The following CYGB variants were observed in gnomAD, a reference collection of about 807,000 sequenced individuals.
CYGB encodes cytoglobin.
A neutral mutation model predicts 20.7 loss-of-function variants in CYGB; 13 were observed. The observed-to-expected ratio is 0.63, with a 90% CI of 0.41 to 1.00. The LOEUF (loss-of-function observed/expected upper bound fraction) is 1.00, where lower values mean the gene tolerates loss of function less well. Among genes scored for constraint, CYGB ranks in the 50% least tolerant of loss-of-function variants. CYGB has a pLI of 0.00. For synonymous variants in CYGB, 93 were observed against 107.4 expected (o/e 0.87, Z 0.83); for missense variants, 218 against 257.2 (o/e 0.85, Z 1.04).
upstream of CYGB, among the ~76,000 whole-genome samples, chr17:76,538,997 C>G (rs2074955862): frequency 6.6e-6 from 1 of 152,248 alleles, no homozygotes; most frequent in Admixed American, 6.5e-5. Context: ...CCAGCCTCAG[C>G]TGCAGCCTGG....
At chr17:76,547,575 C>T (rs2075063773) in intron 1 of CYGB, among the ~76,000 whole-genome samples, 1 of 152,174 alleles carries the variant, frequency 6.6e-6, no homozygotes, top group East Asian at 1.9e-4. Flanking sequence ...TAAAAATTTA[C>T]TAACAGACTC....
chr17:76,529,049 C>A (rs1476420669), intron 3 of CYGB: 13 of 437,900 alleles, frequency 3.0e-5, no homozygotes, highest in African/African-American at 4.5e-5. Flanking sequence ...ATTGCGCCCC[C>A]CCCCCACCCC....
chr17:76,534,915 AC>A (rs1318519730), intron 1 of CYGB, among the ~76,000 whole-genome samples: 2 of 152,046 alleles, frequency 1.3e-5, no homozygotes, highest in East Asian at 3.9e-4. Context: ...CGGTGTTTCC[AC>A]CTGAGACCCT....
At chr17:76,540,507 A>T, upstream of CYGB, 2 of 1,613,246 alleles carry the variant, frequency 1.2e-6, no homozygotes, top group Non-Finnish European at 1.7e-6. The surrounding 1 kb of genome is among the most constrained non-coding windows in gnomAD (Gnocchi z 5.0). Flanking sequence ...TCCCACAGAG[A>T]GCCCAGCGAC....
upstream of CYGB, among the ~76,000 whole-genome samples, chr17:76,539,815 T>C (rs2074964093): frequency 6.6e-6 from 1 of 152,226 alleles, no homozygotes; most frequent in South Asian, 2.1e-4. Flanking sequence ...CTGCAGTCAT[T>C]GTACTTGACA....
Position 76,531,393 on chromosome 17 carries a change from G to C in CYGB, c.375+67C>G, listed in dbSNP as rs2074840329. ...TGTTGCTCCAGAGAGCCGTCGCAGAGCCTGCGAGCTGCAGATGGCCATGAC... is the reference window on the plus strand; with the variant it reads ...TGTTGCTCCAGAGAGCCGTCGCAGACCCTGCGAGCTGCAGATGGCCATGAC... On this transcript the variant is annotated intron_variant, in intron 2 of 3. Coordinates refer to ENST00000293230, the MANE Select transcript of CYGB (RefSeq NM_134268.5). This position sits in a 1 kb window ranked among gnomAD's most constrained non-coding sequence, Gnocchi z 7.4. 1 of 1,545,276 alleles carries C rather than the reference G, an allele frequency of 6.5e-7. No homozygotes were observed. Among genetic ancestry groups the C allele is most frequent in the Non-Finnish European group, 8.8e-7 (1 of 1,130,644 alleles).
chr17:76,539,880 C>T (rs546130603), upstream of CYGB, among the ~76,000 whole-genome samples: 7 of 152,314 alleles, frequency 4.6e-5, no homozygotes, highest in East Asian at 1.9e-4. Context: ...CTCATCAGAT[C>T]GAGACTCCGA....
Position 76,531,459 on chromosome 17 carries a change from C to T in CYGB, c.375+1G>A. 1 of 1,605,040 alleles carries T rather than the reference C, an allele frequency of 6.2e-7. No homozygotes were observed. The highest frequency in any genetic ancestry group is 8.5e-7 in the Non-Finnish European group (1 of 1,172,422). ...GCTCTGCAGCAGATGGGGGCGCATACCTTGAAGTACACCGGTTCCACCTTG... is the reference window on the plus strand; with the variant it reads ...GCTCTGCAGCAGATGGGGGCGCATATCTTGAAGTACACCGGTTCCACCTTG... On this transcript the variant is annotated splice_donor_variant, in intron 2 of 3. Transcript: ENST00000293230. LOFTEE classifies it high-confidence loss of function. This position sits in a 1 kb window ranked among gnomAD's most constrained non-coding sequence, Gnocchi z 7.4.
chr17:76,543,650 C>T (rs1411038088), intron 1 of CYGB, among the ~76,000 whole-genome samples: 2 of 152,372 alleles, frequency 1.3e-5, no homozygotes, highest in East Asian at 3.9e-4. Flanking sequence ...CCCCTGGAAC[C>T]TAACAGTTTG....
At chr17:76,547,992 TCACA>T (rs1296308489) in intron 1 of CYGB, among the ~76,000 whole-genome samples, 6 of 147,524 alleles carry the variant, frequency 4.1e-5, no homozygotes, top group Admixed American at 2.0e-4. Context: ...ACATACACAT[TCACA>T]CACACATTCA....
rs2074849400 is a variant in CYGB at position 76,531,897 on chromosome 17, C to T, written c.144-206G>A. 1 of 521,488 alleles carries T rather than the reference C, an allele frequency of 1.9e-6. No homozygotes were observed. Among genetic ancestry groups the T allele is most frequent in the South Asian group, 2.6e-5 (1 of 38,176 alleles). The allele number at this position is 521,488 out of a possible 1,614,324, so 32.3% of individuals were successfully genotyped here. ...TCACCCCTACCAAGTCTGGCCATGT[C>T]TATCTGCCAGGCTTGCTCAGGCTGG... On this transcript the variant is annotated intron_variant, in intron 1 of 3. Transcript: ENST00000293230. This position sits in a 1 kb window ranked among gnomAD's most constrained non-coding sequence, Gnocchi z 7.4.
Position 76,527,833 on chromosome 17 carries a change from G to C in CYGB, c.*745C>G. 4.4e-6 allele frequency: 2 copies of C among 453,512 alleles called. No homozygotes were observed. The highest frequency in any genetic ancestry group is 8.8e-6 in the Non-Finnish European group (2 of 226,328). The allele number at this position is 453,512 out of a possible 1,614,324, so 28.1% of individuals were successfully genotyped here. A position where few individuals can be genotyped will look rare whatever the true frequency, so the allele number is the denominator to read the frequency against. On this transcript the variant is annotated 3_prime_UTR_variant, in exon 4 of 4. Transcript: ENST00000293230. ...TGCCCCTGCCCATTCTAGGACAGCC[G>C]GTGAGTCAGTTCCTCTGAGGGAGTA... is the stretch of plus-strand genomic sequence containing the variant.
Position 76,528,182 on chromosome 17 carries a change from G to A in CYGB, c.*396C>T. ...GTATATAGAATATATCTGTATATAT[G>A]GTAGATGTGTGCGTGATACTCTAGA... is the stretch of plus-strand genomic sequence containing the variant. On this transcript the variant is annotated 3_prime_UTR_variant, in exon 4 of 4. Coordinates refer to ENST00000293230, the MANE Select transcript of CYGB (RefSeq NM_134268.5). The surrounding 1 kb of genome is among the most constrained non-coding windows in gnomAD (Gnocchi z 5.8). The A allele has an allele frequency of 2.5e-6, 1 of 396,890 alleles. No individual in the cohort carries two copies. 24.6% of individuals were successfully genotyped at this position (396,890 alleles called of 1,614,324 possible). A position where few individuals can be genotyped will look rare whatever the true frequency, so the allele number is the denominator to read the frequency against.
chr17:76,528,435 C>T lies in CYGB; in HGVS notation c.*143G>A, dbSNP rs531892493. 86 of 771,052 alleles carry T rather than the reference C, an allele frequency of 1.1e-4. No individual in the cohort carries two copies. The highest frequency in any genetic ancestry group is 1.4e-4 in the African/African-American group (8 of 55,580). 47.8% of individuals were successfully genotyped at this position (771,052 alleles called of 1,614,324 possible). A position where few individuals can be genotyped will look rare whatever the true frequency, so the allele number is the denominator to read the frequency against. On this transcript the variant is annotated 3_prime_UTR_variant, in exon 4 of 4. Coordinates refer to ENST00000293230, the MANE Select transcript of CYGB (RefSeq NM_134268.5). This position sits in a 1 kb window ranked among gnomAD's most constrained non-coding sequence, Gnocchi z 5.8. ...AGCAGCTCCAGGGGGGGACCCTGGCCGCCACAGAGGCCTCCTTCGGGGAAG... is the reference window on the plus strand; with the variant it reads ...AGCAGCTCCAGGGGGGGACCCTGGCTGCCACAGAGGCCTCCTTCGGGGAAG...
chr17:76,534,174 C>CTCTT (rs71363640), intron 1 of CYGB, among the ~76,000 whole-genome samples: 6 of 106,108 alleles, frequency 5.7e-5, no homozygotes, highest in East Asian at 3.3e-4. Flanking sequence ...CTCTCTCTCT[C>CTCTT]TCTTTCTTTC....
intron 1 of CYGB, among the ~76,000 whole-genome samples, chr17:76,534,461 G>T (rs1030842704): frequency 6.6e-6 from 1 of 152,216 alleles, no homozygotes; most frequent in Non-Finnish European, 1.5e-5. Flanking sequence ...TTACAGGTGT[G>T]AGCCACGGTG....
chr17:76,531,514 G>A lies in CYGB; in HGVS notation c.321C>T (p.Ala107=), dbSNP rs1252443604. The A allele has an allele frequency of 7.4e-5, 120 of 1,613,828 alleles. No homozygotes were observed. The highest frequency in any genetic ancestry group is 7.0e-4 in the Admixed American group (42 of 60,004). ...HDPDKVSSVL[A]LVGKAHALKH... ...TGAGGGCGTGGGCTTTCCCCACAAG[G>A]GCGAGCACAGAGGACACCTTGTCGG... The change falls in exon 2 of 4, where the codon GCC becomes GCT. Residue 107 remains alanine, a synonymous_variant. Transcript: ENST00000293230. This position sits in a 1 kb window ranked among gnomAD's most constrained non-coding sequence, Gnocchi z 7.4.
At chr17:76,540,003 G>A, upstream of CYGB, 1 of 885,248 alleles carries the variant, frequency 1.1e-6, no homozygotes, top group Non-Finnish European at 1.8e-6. The surrounding 1 kb of genome is among the most constrained non-coding windows in gnomAD (Gnocchi z 5.0). Flanking sequence ...CCACTAATCA[G>A]CTTGAGCCTC....
At chr17:76,532,108 C>T (rs79201272) in intron 1 of CYGB, 2,642 of 168,326 alleles carry the variant, frequency 0.016, 90 homozygotes, top group African/African-American at 0.058. Context: ...CAAAATACTG[C>T]TTTCATGAAG....
Sources: gnomAD v4.1 joint callset for allele counts (sites outside exome capture counted in the v4.1 genomes callset) on GRCh38, gnomAD v4.1.1 for gene constraint, Gnocchi (gnomAD v3.1) non-coding constraint, MANE v1.5 for transcripts, NCBI Gene and HGNC (gene_info 2026-07-23, HGNC 2026-07-21) for gene names.